Variants in PSMB2 observed in about 807,000 individuals in gnomAD.
PSMB2 encodes proteasome subunit beta type-2.
In PSMB2, 13 loss-of-function variants were observed where a neutral mutation model predicts 25.7. The observed-to-expected ratio is 0.51, with a 90% CI of 0.33 to 0.80. The LOEUF (loss-of-function observed/expected upper bound fraction) is 0.80, where lower values mean the gene tolerates loss of function less well. Among genes scored for constraint, PSMB2 ranks in the 30% least tolerant of loss-of-function variants. The probability of loss-of-function intolerance (pLI) is 0.02; values close to 1 mark genes in which losing one functional copy is unlikely to be tolerated. For missense variants in PSMB2, 202 were observed against 259.0 expected (o/e 0.78, Z 1.51); for synonymous variants, 87 against 96.2 (o/e 0.90, Z 0.56).
rs1649953065 is a variant in PSMB2, at chr1:35,600,305, A to C, written c.*2962T>G. On this transcript the variant is annotated 3_prime_UTR_variant, in exon 6 of 6. Transcript: ENST00000373237. ...GGATTATATCCTAGAACAGAAGAAA[A>C]TTAGTGGAAAAACTGGTAAAATCTG... 1.0e-6 allele frequency: 1 copy of C among 955,170 alleles called. No homozygotes were observed. Among genetic ancestry groups the C allele is most frequent in the African/African-American group, 1.8e-5 (1 of 56,578 alleles). 59.2% of individuals were successfully genotyped at this position (955,170 alleles called of 1,614,324 possible). A position where few individuals can be genotyped will look rare whatever the true frequency, so the allele number is the denominator to read the frequency against.
chr1:35,605,172 G>T, intron 5 of PSMB2, 61 bp downstream of exon 5: 1 of 1,508,354 alleles, frequency 6.6e-7, no homozygotes, highest in Non-Finnish European at 9.1e-7. Flanking sequence ...TGAGGAACAG[G>T]AACAACACTG....
intron 3 of PSMB2, among the ~76,000 whole-genome samples, chr1:35,627,648 CA>C (rs917073767): frequency 1.3e-5 from 2 of 149,908 alleles, no homozygotes; most frequent in Non-Finnish European, 3.0e-5. Context: ...GATCCTGTCT[CA>C]AAAAAAAAGT....
intron 3 of PSMB2, among the ~76,000 whole-genome samples, chr1:35,624,519 G>A (rs1650791107): frequency 6.6e-6 from 1 of 152,182 alleles, no homozygotes; most frequent in Non-Finnish European, 1.5e-5. Flanking sequence ...TTGGGAGGCT[G>A]AGGTGGGCAG....
At chr1:35,631,194 C>A in intron 3 of PSMB2, 80 bp downstream of exon 3, 1 of 1,449,232 alleles carries the variant, frequency 6.9e-7, no homozygotes. Flanking sequence ...GGCAAAAATA[C>A]TACTCATGTA....
intron 4 of PSMB2, among the ~76,000 whole-genome samples, chr1:35,606,008 C>T (rs1174388004): frequency 2.0e-4 from 31 of 152,098 alleles, no homozygotes; most frequent in Admixed American, 2.0e-3. Context: ...AATGAACATG[C>T]CAGATTCTTA....
At chr1:35,639,946 T>C (rs960626881) in intron 1 of PSMB2, among the ~76,000 whole-genome samples, 1 of 152,170 alleles carries the variant, frequency 6.6e-6, no homozygotes, top group Non-Finnish European at 1.5e-5. Context: ...ATTACCACCT[T>C]ATAGATGTTA....
At chr1:35,606,640 T>C (rs1027990112) in intron 4 of PSMB2, among the ~76,000 whole-genome samples, 4 of 152,138 alleles carry the variant, frequency 2.6e-5, no homozygotes, top group Admixed American at 2.6e-4. Context: ...AATTTATATA[T>C]TCAATGCAAT....
chr1:35,613,277 G>A (rs937926362), intron 3 of PSMB2, among the ~76,000 whole-genome samples: 29 of 152,134 alleles, frequency 1.9e-4, no homozygotes, highest in Admixed American at 8.5e-4. Flanking sequence ...AGTGGCCCAT[G>A]CCTGTAATCC....
Position 35,600,231 on chromosome 1 carries a change from T to TA in PSMB2, c.*3035dup. The stretch of plus-strand genomic sequence containing the variant: ...TTGGTGGCCATGTAGAGACAGGAGA[T>TA]AAAGAATGGCATAAAAATGATGCCC... On this transcript the variant is annotated 3_prime_UTR_variant, in exon 6 of 6. Coordinates refer to ENST00000373237, the MANE Select transcript of PSMB2 (RefSeq NM_002794.5). 4 of 985,384 alleles carry TA rather than the reference T, an allele frequency of 4.1e-6. No individual in the cohort carries two copies. The highest frequency in any genetic ancestry group is 4.8e-6 in the Non-Finnish European group (4 of 829,882). 61.0% of individuals were successfully genotyped at this position (985,384 alleles called of 1,614,324 possible).
At chr1:35,605,401 A>T (rs1279848020) in intron 4 of PSMB2, 119 bp from the exon 5 acceptor site, 87 of 1,022,588 alleles carry the variant, frequency 8.5e-5, no homozygotes, top group Non-Finnish European at 1.3e-4. Flanking sequence ...CAAACGTAAA[A>T]GGCAAAAAAT....
intron 5 of PSMB2, among the ~76,000 whole-genome samples, chr1:35,603,855 C>G (rs1025160522): frequency 6.6e-6 from 1 of 151,870 alleles, no homozygotes; most frequent in African/African-American, 2.4e-5. Flanking sequence ...GCCTAGGTAA[C>G]ATAGCAAGAC....
At chr1:35,639,989 A>T (rs2148580477) in intron 1 of PSMB2, among the ~76,000 whole-genome samples, 1 of 152,260 alleles carries the variant, frequency 6.6e-6, no homozygotes, top group Non-Finnish European at 1.5e-5. Flanking sequence ...AAATTTGCTT[A>T]AGGTCACAAG....
At chr1:35,629,560 G>A (rs963078778) in intron 3 of PSMB2, among the ~76,000 whole-genome samples, 1 of 152,202 alleles carries the variant, frequency 6.6e-6, no homozygotes, top group African/African-American at 2.4e-5. Context: ...TATAATCCCA[G>A]CACCCTGAAA....
At chr1:35,639,420 CAT>C (rs1651332493) in intron 1 of PSMB2, among the ~76,000 whole-genome samples, 1 of 152,046 alleles carries the variant, frequency 6.6e-6, no homozygotes, top group Non-Finnish European at 1.5e-5. Context: ...TCTCCCATAC[CAT>C]AGTTATCTTT....
Position 35,601,001 on chromosome 1 carries a change from G to A in PSMB2, c.*2266C>T. On this transcript the variant is annotated 3_prime_UTR_variant, in exon 6 of 6. Coordinates refer to ENST00000373237, the MANE Select transcript of PSMB2 (RefSeq NM_002794.5). ...GATGGGAAAATCATGTAGCAGGATA[G>A]TCTGTGCTTTAGTAGCAGCACTCCA... 1 of 981,914 alleles carries A rather than the reference G, an allele frequency of 1.0e-6. No individual in the cohort carries two copies. The highest frequency in any genetic ancestry group is 1.2e-6 in the Non-Finnish European group (1 of 829,176). The allele number at this position is 981,914 out of a possible 1,614,324, so 60.8% of individuals were successfully genotyped here.
intron 3 of PSMB2, among the ~76,000 whole-genome samples, chr1:35,620,952 C>T (rs955228580): frequency 6.6e-6 from 1 of 151,836 alleles, no homozygotes; most frequent in Non-Finnish European, 1.5e-5. Flanking sequence ...AGGTGTGAGC[C>T]ACTGTGCCCG....
chr1:35,600,720 T>C lies in PSMB2; in HGVS notation c.*2547A>G. ...TTGGAGCTCAGGAAAGAGATCCAGA[T>C]TGGCAAAAAAACACTGAGAGTCAGG... is the stretch of plus-strand genomic sequence containing the variant. On this transcript the variant is annotated 3_prime_UTR_variant, in exon 6 of 6. Transcript: ENST00000373237. 2 of 985,376 alleles carry C rather than the reference T, an allele frequency of 2.0e-6. No individual in the cohort carries two copies. The highest frequency in any genetic ancestry group is 2.4e-6 in the Non-Finnish European group (2 of 829,926). 61.0% of individuals were successfully genotyped at this position (985,376 alleles called of 1,614,324 possible).
chr1:35,633,228 A>AG (rs1651152476), intron 2 of PSMB2, among the ~76,000 whole-genome samples: 1 of 141,816 alleles, frequency 7.1e-6, no homozygotes. Flanking sequence ...CTCAAAAAAG[A>AG]AAAAAAAAAA....
chr1:35,610,364 AAGG>A (rs1486306800), intron 3 of PSMB2, among the ~76,000 whole-genome samples: 1 of 151,970 alleles, frequency 6.6e-6, no homozygotes, highest in Admixed American at 6.6e-5. Flanking sequence ...CACTTGAACC[AAGG>A]AGGTCAGGGC....
Sources: gnomAD v4.1 joint callset for allele counts (sites outside exome capture counted in the v4.1 genomes callset) on GRCh38, gnomAD v4.1.1 for gene constraint, MANE v1.5 for transcripts, NCBI Gene and HGNC (gene_info 2026-07-23, HGNC 2026-07-21) for gene names.